SLC20A2: variants seen among roughly 807,000 people sequenced by gnomAD.
The protein encoded by SLC20A2 is sodium-dependent phosphate transporter 2.
In SLC20A2, 30 loss-of-function variants were observed where a neutral mutation model predicts 61.0. That is an observed-to-expected ratio of 0.49 (90% confidence interval 0.37 to 0.67). SLC20A2 has a LOEUF of 0.67. Among genes scored for constraint, SLC20A2 ranks in the 30% least tolerant of loss-of-function variants. The pLI is 0.00. For missense variants in SLC20A2, 626 were observed against 866.4 expected (o/e 0.72, Z 3.48); for synonymous variants, 351 against 353.3 (o/e 0.99, Z 0.07).
intron 1 of SLC20A2, among the ~76,000 whole-genome samples, chr8:42,532,940 TGGAG>T: frequency 6.6e-6 from 1 of 152,042 alleles, no homozygotes; most frequent in Non-Finnish European, 1.5e-5. Context: ...GGCTGAATCA[TGGAG>T]AAGGGAGGGA....
intron 10 of SLC20A2, among the ~76,000 whole-genome samples, chr8:42,418,635 G>A (rs1585969340): frequency 1.3e-5 from 2 of 151,786 alleles, no homozygotes; most frequent in South Asian, 4.2e-4. Flanking sequence ...TGATCGGCCC[G>A]CCTCAGCCTC....
chr8:42,471,836 T>C (rs549946581), intron 2 of SLC20A2, among the ~76,000 whole-genome samples: 26 of 152,316 alleles, frequency 1.7e-4, no homozygotes, highest in African/African-American at 6.3e-4. Context: ...TTTCTGTACT[T>C]TCTGAAAAGT....
intron 1 of SLC20A2, among the ~76,000 whole-genome samples, chr8:42,509,129 T>C (rs1245168664): frequency 6.6e-6 from 1 of 152,266 alleles, no homozygotes; most frequent in Non-Finnish European, 1.5e-5. Flanking sequence ...TAAATAAACA[T>C]ATGTTTATGC....
intron 6 of SLC20A2, among the ~76,000 whole-genome samples, chr8:42,443,736 C>T (rs13340595): frequency 0.032 from 4,905 of 152,244 alleles, 111 homozygotes; most frequent in African/African-American, 0.067. Context: ...CTGATAAGTT[C>T]CTGAGCTGCC....
intron 8 of SLC20A2, among the ~76,000 whole-genome samples, chr8:42,434,498 T>C (rs763586924): frequency 6.6e-6 from 1 of 152,134 alleles, no homozygotes; most frequent in Non-Finnish European, 1.5e-5. Context: ...CCCAGCCAGC[T>C]GTGTAGACTG....
chr8:42,454,364 G>C (rs367871455), intron 5 of SLC20A2, among the ~76,000 whole-genome samples: 2 of 152,202 alleles, frequency 1.3e-5, no homozygotes, highest in Non-Finnish European at 2.9e-5. Context: ...ACCAATGACT[G>C]TATGAAGCAT....
chr8:42,446,967 CTT>C (rs1805263866), intron 5 of SLC20A2, among the ~76,000 whole-genome samples: 1 of 152,168 alleles, frequency 6.6e-6, no homozygotes, highest in South Asian at 2.1e-4. Flanking sequence ...CTATTTAACA[CTT>C]TGCTCTTAAA....
Position 42,417,634 on chromosome 8 carries a change from G to C in SLC20A2, c.*169C>G. 3.4e-6 allele frequency: 2 copies of C among 590,298 alleles called. No homozygotes were observed. Among genetic ancestry groups the C allele is most frequent in the Non-Finnish European group, 5.8e-6 (2 of 346,344 alleles). The allele number at this position is 590,298 out of a possible 1,614,324, so 36.6% of individuals were successfully genotyped here. A position where few individuals can be genotyped will look rare whatever the true frequency, so the allele number is the denominator to read the frequency against. On this transcript the variant is annotated 3_prime_UTR_variant, in exon 11 of 11. Transcript: ENST00000520262. The stretch of plus-strand genomic sequence containing the variant: ...AGTTAGCTCGGGAAGGTGAGTCTCC[G>C]CAGCCTGGGTGAACAGTGTGGGATG...
rs149974901 is a variant in SLC20A2 at position 42,497,145 on chromosome 8, C to T, written c.-265+3886G>A. On this transcript the variant is annotated intron_variant, in intron 1 of 10. Coordinates refer to ENST00000520262, the MANE Select transcript of SLC20A2 (RefSeq NM_001257180.2). ...CTTCTCTAAGTGACAAAAGGAAATC[C>T]AGAGCAAAGTCAGGGCTGGAAGGGA... is the stretch of plus-strand genomic sequence containing the variant. 4.1e-3 allele frequency among the ~76,000 whole-genome samples: 624 copies of T among 152,306 alleles called. 7 individuals are homozygous for T. Among genetic ancestry groups the T allele is most frequent in the African/African-American group, 0.014 (596 of 41,550 alleles).
intron 1 of SLC20A2, among the ~76,000 whole-genome samples, chr8:42,496,310 T>C (rs1809922992): frequency 6.6e-6 from 1 of 152,174 alleles, no homozygotes; most frequent in African/African-American, 2.4e-5. Context: ...GTATAACAAA[T>C]AGACACTCTC....
At chr8:42,452,119 G>T (rs1303602059) in intron 5 of SLC20A2, among the ~76,000 whole-genome samples, 1 of 141,710 alleles carries the variant, frequency 7.1e-6, no homozygotes, top group African/African-American at 2.7e-5. Flanking sequence ...AGGAGGAAAA[G>T]ATGGAGGAGG....
At chr8:42,440,385 A>G in intron 6 of SLC20A2, among the ~76,000 whole-genome samples, 1 of 152,204 alleles carries the variant, frequency 6.6e-6, no homozygotes, top group East Asian at 1.9e-4. Flanking sequence ...ATAAAATAAT[A>G]AAATATGCGA....
Position 42,428,578 on chromosome 8 carries a change from C to T in SLC20A2, c.1794+180G>A, listed in dbSNP as rs527739750. Among the ~76,000 whole-genome samples the T allele has an allele frequency of 1.2e-3, 182 of 152,324 alleles. 2 individuals are homozygous for T. Among genetic ancestry groups the T allele is most frequent in the Middle Eastern group, 0.01 (3 of 294 alleles). On this transcript the variant is annotated intron_variant, in intron 10 of 10. Transcript: ENST00000520262. Reference sequence around the variant, plus strand: ...TGAACGAGAGATAGTGTCGTCCTGCCGAGAGGAGGACGGTGGAGGGAACAG... The same window carrying T: ...TGAACGAGAGATAGTGTCGTCCTGCTGAGAGGAGGACGGTGGAGGGAACAG...
chr8:42,419,661 GT>G, intron 10 of SLC20A2: 1 of 951,310 alleles, frequency 1.1e-6, no homozygotes, highest in Non-Finnish European at 1.3e-6. Flanking sequence ...CTCCCAACGT[GT>G]TTTAGGACCT....
rs150370022 is a variant in SLC20A2, at chr8:42,444,094, A to G, written c.730+552T>C. 1.8e-4 allele frequency among the ~76,000 whole-genome samples: 27 copies of G among 152,342 alleles called. No homozygotes were observed. The East Asian group carries it at 4.4e-3, about 25-fold the overall frequency. ...GCTATTATGACAAAAAGATTTGTATACAAGTCTTTTTATGAACACGTTTTC... is the reference window on the plus strand; with the variant it reads ...GCTATTATGACAAAAAGATTTGTATGCAAGTCTTTTTATGAACACGTTTTC... On this transcript the variant is annotated intron_variant, in intron 6 of 10. Transcript: ENST00000520262.
At chr8:42,451,033 GCCTTCTGAGTGCAGGGCT>G (rs1805594670) in intron 5 of SLC20A2, among the ~76,000 whole-genome samples, 1 of 152,170 alleles carries the variant, frequency 6.6e-6, no homozygotes, top group Non-Finnish European at 1.5e-5. Context: ...GAAGAAAGAG[GCCTTCTGAGTGCAGGGCT>G]CCTTCTCACA....
At chr8:42,428,104 C>G (rs1259786240) in intron 10 of SLC20A2, among the ~76,000 whole-genome samples, 1 of 152,128 alleles carries the variant, frequency 6.6e-6, no homozygotes, top group Non-Finnish European at 1.5e-5. Context: ...CCCACCCTGG[C>G]CACCTGTGGA....
intron 1 of SLC20A2, among the ~76,000 whole-genome samples, chr8:42,528,184 G>A (rs547242036): frequency 1.3e-5 from 2 of 152,276 alleles, no homozygotes; most frequent in South Asian, 2.1e-4. Context: ...TTATATGACA[G>A]GGCGCGGTGG....
intron 1 of SLC20A2, among the ~76,000 whole-genome samples, chr8:42,479,160 T>C (rs1038956520): frequency 5.3e-5 from 8 of 152,194 alleles, no homozygotes; most frequent in African/African-American, 1.9e-4. Context: ...AGACAAGCCC[T>C]CCAGATGGCT....
Sources: gnomAD v4.1 joint callset for allele counts (sites outside exome capture counted in the v4.1 genomes callset) on GRCh38, gnomAD v4.1.1 for gene constraint, MANE v1.5 for transcripts, NCBI Gene and HGNC (gene_info 2026-07-23, HGNC 2026-07-21) for gene names.